The following STXBP5L variants were observed in gnomAD, a reference collection of about 807,000 sequenced individuals.
The protein encoded by STXBP5L is syntaxin-binding protein 5-like.
Under a neutral mutation model 144.5 loss-of-function variants are expected in STXBP5L, and 65 were observed. The observed-to-expected ratio is 0.45, with a 90% CI of 0.37 to 0.55. The LOEUF (loss-of-function observed/expected upper bound fraction) is 0.55. Among genes scored for constraint, STXBP5L ranks in the 20% least tolerant of loss-of-function variants. STXBP5L has a pLI of 0.00. For missense variants in STXBP5L, 1,298 were observed against 1,405.5 expected (o/e 0.92, Z 1.22); for synonymous variants, 505 against 469.6 (o/e 1.08, Z -0.97).
rs1210955123 is a variant in STXBP5L, at chr3:121,280,363, T to A, written c.2110+407T>A. On this transcript the variant is annotated intron_variant, in intron 19 of 26. Transcript: ENST00000471454. ...GTCCCTTTAAAGAGATAATTTTAGG[T>A]CATTTACTACTTTTAATTTTTTAAA... is the stretch of plus-strand genomic sequence containing the variant. Among the ~76,000 whole-genome samples, 3 of 151,924 alleles carry A rather than the reference T, an allele frequency of 2.0e-5. No homozygotes were observed. The South Asian group carries it at 6.2e-4, about 31-fold the overall frequency.
chr3:120,994,238 G>T (rs373204794), intron 3 of STXBP5L, among the ~76,000 whole-genome samples: 1 of 152,104 alleles, frequency 6.6e-6, no homozygotes, highest in East Asian at 1.9e-4. Flanking sequence ...TCTGCAAAGG[G>T]ACAGTTTGAC....
intron 9 of STXBP5L, among the ~76,000 whole-genome samples, chr3:121,198,829 G>A (rs1182485881): frequency 6.6e-6 from 1 of 152,052 alleles, no homozygotes; most frequent in African/African-American, 2.4e-5. Flanking sequence ...TCTTTGTTCT[G>A]TTTCATTGGT....
chr3:121,148,427 T>C (rs528402285), intron 7 of STXBP5L, among the ~76,000 whole-genome samples: 25 of 152,238 alleles, frequency 1.6e-4, no homozygotes, highest in South Asian at 1.2e-3. Context: ...AAAATTTACC[T>C]TCTCTTCATT....
chr3:121,108,013 T>A (rs542663808), intron 5 of STXBP5L, among the ~76,000 whole-genome samples: 1 of 152,314 alleles, frequency 6.6e-6, no homozygotes, highest in Non-Finnish European at 1.5e-5. Context: ...GGCTCTCTGC[T>A]TGTCTGTTGT....
At chr3:121,335,350 G>T (rs1382330458) in intron 20 of STXBP5L, among the ~76,000 whole-genome samples, 3 of 152,056 alleles carry the variant, frequency 2.0e-5, no homozygotes, top group Non-Finnish European at 4.4e-5. Flanking sequence ...TGGATAGGAA[G>T]AATCAATATC....
chr3:121,405,467 A>G (rs1309525696), intron 22 of STXBP5L, among the ~76,000 whole-genome samples: 1 of 152,134 alleles, frequency 6.6e-6, no homozygotes, highest in African/African-American at 2.4e-5. Flanking sequence ...AATAGAGCCT[A>G]GAGCACATAG....
intron 3 of STXBP5L, among the ~76,000 whole-genome samples, chr3:120,990,069 A>G (rs911698900): frequency 1.3e-5 from 2 of 152,168 alleles, no homozygotes; most frequent in African/African-American, 4.8e-5. Flanking sequence ...CCATTGTCTC[A>G]GCCCAAAATC....
At chr3:120,981,974 T>C (rs1212418790) in intron 3 of STXBP5L, among the ~76,000 whole-genome samples, 1 of 152,206 alleles carries the variant, frequency 6.6e-6, no homozygotes, top group Non-Finnish European at 1.5e-5. Flanking sequence ...GCAGTGGCTT[T>C]CTTAAATGCC....
intron 2 of STXBP5L, among the ~76,000 whole-genome samples, chr3:120,932,146 G>T (rs571205237): frequency 5.7e-4 from 86 of 152,204 alleles, no homozygotes; most frequent in African/African-American, 2.0e-3. Flanking sequence ...AAAAAGTACA[G>T]TAAAAATTAT....
At chr3:120,935,055 G>A (rs1710188683) in intron 2 of STXBP5L, among the ~76,000 whole-genome samples, 1 of 151,032 alleles carries the variant, frequency 6.6e-6, no homozygotes, top group African/African-American at 2.4e-5. Context: ...TTATTTGTTG[G>A]CTTTGTTCTT....
At chr3:121,012,546 A>T (rs374128144) in intron 3 of STXBP5L, among the ~76,000 whole-genome samples, 1 of 151,670 alleles carries the variant, frequency 6.6e-6, no homozygotes, top group Non-Finnish European at 1.5e-5. Context: ...GTGGTATTTC[A>T]TGGTGGTTTT....
At chr3:121,331,615 C>A (rs538668114) in intron 20 of STXBP5L, among the ~76,000 whole-genome samples, 2 of 152,128 alleles carry the variant, frequency 1.3e-5, no homozygotes, top group African/African-American at 4.8e-5. Context: ...AGCTCTCTCC[C>A]TTCCTCCTGA....
intron 5 of STXBP5L, among the ~76,000 whole-genome samples, chr3:121,097,633 G>A (rs1272028699): frequency 4.6e-5 from 7 of 152,046 alleles, no homozygotes; most frequent in South Asian, 2.1e-4. Flanking sequence ...ATCACCCTCC[G>A]TGAGCTGCAC....
intron 3 of STXBP5L, among the ~76,000 whole-genome samples, chr3:120,979,353 G>A (rs1014656790): frequency 6.6e-6 from 1 of 152,232 alleles, no homozygotes; most frequent in South Asian, 2.1e-4. Flanking sequence ...CTCCGAGCCA[G>A]GTGTGGGATA....
At chr3:121,179,858 T>G (rs1442036416) in intron 9 of STXBP5L, among the ~76,000 whole-genome samples, 1 of 152,076 alleles carries the variant, frequency 6.6e-6, no homozygotes, top group Non-Finnish European at 1.5e-5. Context: ...AAGACAAGGC[T>G]TTCGAATTAA....
At chr3:121,201,324 C>T (rs2048129926) in intron 9 of STXBP5L, among the ~76,000 whole-genome samples, 1 of 152,166 alleles carries the variant, frequency 6.6e-6, no homozygotes, top group Non-Finnish European at 1.5e-5. Flanking sequence ...TTATCAGAGA[C>T]TAGGATTGCA....
At chr3:121,060,572 G>A (rs1180130044) in intron 5 of STXBP5L, among the ~76,000 whole-genome samples, 1 of 152,128 alleles carries the variant, frequency 6.6e-6, no homozygotes, top group East Asian at 1.9e-4. Flanking sequence ...TGTACCTCTG[G>A]TAGAATTCAG....
At chr3:121,216,963 G>C (rs2048799308) in intron 10 of STXBP5L, among the ~76,000 whole-genome samples, 2 of 152,240 alleles carry the variant, frequency 1.3e-5, no homozygotes, top group East Asian at 3.9e-4. Context: ...CGAACTTCCT[G>C]GTGGCTTTGT....
At chr3:121,415,336 T>C (rs1377997727) in intron 24 of STXBP5L, among the ~76,000 whole-genome samples, 1 of 152,190 alleles carries the variant, frequency 6.6e-6, no homozygotes, top group East Asian at 1.9e-4. Context: ...TCACCAAATA[T>C]TGAAAACAAA....
Sources: gnomAD v4.1 joint callset for allele counts (sites outside exome capture counted in the v4.1 genomes callset) on GRCh38, gnomAD v4.1.1 for gene constraint, MANE v1.5 for transcripts, NCBI Gene and HGNC (gene_info 2026-07-23, HGNC 2026-07-21) for gene names.